CD180: variants seen among roughly 807,000 people sequenced by gnomAD.
The protein encoded by CD180 is CD180 molecule.
In CD180, 11 loss-of-function variants were observed where a neutral mutation model predicts 10.7. The observed-to-expected ratio is 1.03, with a 90% CI of 0.65 to 1.70. The LOEUF is 1.70. Ranked by LOEUF, CD180 falls within the 40% of genes most tolerant of loss-of-function variation. The pLI is 0.00. For synonymous variants in CD180, 286 were observed against 294.6 expected (o/e 0.97, Z 0.30); for missense variants, 729 against 775.2 (o/e 0.94, Z 0.71).
Position 67,183,730 on chromosome 5 carries a change from G to T in CD180, c.1113C>A (p.Asn371Lys). Residue 371 changes from asparagine (N) to lysine (K), a missense_variant, in exon 3 of 3, where the codon AAC (asparagine) becomes AAA (lysine). Transcript: ENST00000256447. Reference protein sequence around the residue: ...LGVGCLEKLGNLQTLDLSHND... With the variant: ...LGVGCLEKLGKLQTLDLSHND... ...TATGGCTTAAATCAAGTGTCTGAAGGTTTCCTAGTTTCTCCAAGCAGCCAA... is the reference window on the plus strand; with the variant it reads ...TATGGCTTAAATCAAGTGTCTGAAGTTTTCCTAGTTTCTCCAAGCAGCCAA... 8 of 1,614,094 alleles carry T rather than the reference G, an allele frequency of 5.0e-6. No individual in the cohort carries two copies. Among genetic ancestry groups the T allele is most frequent in the Non-Finnish European group, 6.8e-6 (8 of 1,180,030 alleles).
At position 67,179,634 on chromosome 5, in the gene CD180, C is replaced by T. The variant is rs1453688413; in HGVS notation, c.*3223G>A. 6.6e-6 allele frequency: 1 copy of T among 152,234 alleles called. No individual in the cohort carries two copies. Among genetic ancestry groups the T allele is most frequent in the Non-Finnish European group, 1.5e-5 (1 of 68,046 alleles). The allele number at this position is 152,234 out of a possible 1,614,324, so 9.4% of individuals were successfully genotyped here. ...GCCATTTGTTTCATACTTTTATAAA[C>T]ATCAAAATTGCAAACTACACTGATT... On this transcript the variant is annotated 3_prime_UTR_variant, in exon 3 of 3. Coordinates refer to ENST00000256447, the MANE Select transcript of CD180 (RefSeq NM_005582.3).
Position 67,185,860 on chromosome 5 carries a change from T to A in CD180, c.248A>T (p.Asp83Val). ...FSRLMNLTFLDLTRCQINWIH... is the reference protein window; with the variant it reads ...FSRLMNLTFLVLTRCQINWIH... ...TAACTCAGATACATACCTAGTTAAA[T>A]CCAAAAAGGTAAGATTCATGAGTCT... Residue 83 changes from aspartate to valine, a missense_variant, in exon 2 of 3, where the codon GAT becomes GTT. Coordinates refer to ENST00000256447, the MANE Select transcript of CD180 (RefSeq NM_005582.3). 5 of 1,596,724 alleles carry A rather than the reference T, an allele frequency of 3.1e-6. No individual in the cohort carries two copies. The highest frequency in any genetic ancestry group is 3.4e-6 in the Non-Finnish European group (4 of 1,172,832).
At position 67,184,014 on chromosome 5, in the gene CD180, C is replaced by T. The variant is rs764635197; in HGVS notation, c.829G>A (p.Glu277Lys). 68 of 1,613,936 alleles carry T rather than the reference C, an allele frequency of 4.2e-5. No individual in the cohort carries two copies. The highest frequency in any genetic ancestry group is 5.3e-5 in the Non-Finnish European group (62 of 1,179,962). Residue 277 changes from glutamate (E) to lysine (K), a missense_variant, in exon 3 of 3, where the codon GAG becomes AAG. By Grantham distance (56) the Glu-to-Lys change is moderately conservative (BLOSUM62 1). Coordinates refer to ENST00000256447, the MANE Select transcript of CD180 (RefSeq NM_005582.3). ...MLKGLCEMSV[E>K]SLNLQEHRFS... ...CGGTGTTCCTGCAGGTTGAGGCTCT[C>T]AACAGACATTTCACAGAGTCCCTTG...
rs369776137 is a variant in CD180, at chr5:67,182,920, C to T, written c.1923G>A (p.Leu641=). The change falls in exon 3 of 3, where the codon TTG becomes TTA. Residue 641 remains leucine (L), a synonymous_variant. Transcript: ENST00000256447. ...CTGCAAAAAATAGCAGAATAGCCAA[C>T]AATAATAGAAATACTATGAGAAAGA... ...GIFFLIVFLL[L]LAILLFFAVK... The T allele has an allele frequency of 5.6e-6, 9 of 1,613,432 alleles. No individual in the cohort carries two copies. The highest frequency in any genetic ancestry group is 7.6e-6 in the Non-Finnish European group (9 of 1,179,814).
intron 1 of CD180, among the ~76,000 whole-genome samples, chr5:67,192,046 C>G (rs1742316529): frequency 6.6e-6 from 1 of 152,002 alleles, no homozygotes; most frequent in Non-Finnish European, 1.5e-5. Context: ...TTAAACAGGA[C>G]AGAATTGTAC....
rs143092883 is a variant in CD180, at chr5:67,186,119, T to C, written c.91-102A>G. ...ACCTTCCGAGCGGCAATCGTACTTC[T>C]AGTAATCTTTACCAAATATACACTT... is the stretch of plus-strand genomic sequence containing the variant. On this transcript the variant is annotated intron_variant, in intron 1 of 2. Coordinates refer to ENST00000256447, the MANE Select transcript of CD180 (RefSeq NM_005582.3). 4.2e-4 allele frequency: 294 copies of C among 693,224 alleles called. 1 individual carries two copies. In the East Asian group the frequency reaches 7.7e-3, roughly 18 times the overall value. 42.9% of individuals were successfully genotyped at this position (693,224 alleles called of 1,614,324 possible). A position where few individuals can be genotyped will look rare whatever the true frequency, so the allele number is the denominator to read the frequency against.
intron 1 of CD180, among the ~76,000 whole-genome samples, chr5:67,187,092 T>C (rs1281635375): frequency 6.6e-6 from 1 of 152,252 alleles, no homozygotes; most frequent in Non-Finnish European, 1.5e-5. Context: ...TTCTGGATTT[T>C]GTAAATGACA....
At chr5:67,194,206 A>G (rs1742358078) in intron 1 of CD180, among the ~76,000 whole-genome samples, 1 of 152,220 alleles carries the variant, frequency 6.6e-6, no homozygotes, top group African/African-American at 2.4e-5. Context: ...TTAAAACAAA[A>G]GCACCTTTTT....
At chr5:67,186,589 T>C (rs1042544345) in intron 1 of CD180, among the ~76,000 whole-genome samples, 1 of 152,206 alleles carries the variant, frequency 6.6e-6, no homozygotes, top group Non-Finnish European at 1.5e-5. Flanking sequence ...AGTTTTGATT[T>C]TGGTTGAATG....
intron 1 of CD180, 30 bp downstream of exon 1, chr5:67,196,522 T>C: frequency 6.2e-7 from 1 of 1,612,610 alleles, no homozygotes; most frequent in Non-Finnish European, 8.5e-7. Context: ...GACAGTTTAA[T>C]CTGCATAAAG....
At position 67,180,213 on chromosome 5, in the gene CD180, C is replaced by T. The variant is rs1049489717; in HGVS notation, c.*2644G>A. 6.6e-6 allele frequency: 1 copy of T among 152,230 alleles called. No homozygotes were observed. The highest frequency in any genetic ancestry group is 2.4e-5 in the African/African-American group (1 of 41,452). The allele number at this position is 152,230 out of a possible 1,614,324, so 9.4% of individuals were successfully genotyped here. A position where few individuals can be genotyped will look rare whatever the true frequency, so the allele number is the denominator to read the frequency against. On this transcript the variant is annotated 3_prime_UTR_variant, in exon 3 of 3. Transcript: ENST00000256447. ...GATGGGCAATTATGCTTTGCTAAGG[C>T]CTGGGCCCCTTTCATTGTTAGTGTG...
In CD180 at chr5:67,184,126, G is replaced by C; in HGVS notation, c.717C>G (p.Phe239Leu). The change falls in exon 3 of 3, where the codon TTC becomes TTG. Residue 239 changes from phenylalanine (F) to leucine (L), a missense_variant. Coordinates refer to ENST00000256447, the MANE Select transcript of CD180 (RefSeq NM_005582.3). ...GAGTAGTAGAGTTCTGCAGACCATTGAATATAACAGACAAATTTGGAGTTC... is the reference window on the plus strand; with the variant it reads ...GAGTAGTAGAGTTCTGCAGACCATTCAATATAACAGACAAATTTGGAGTTC... The part of the protein sequence containing the change: ...FGGTPNLSVI[F>L]NGLQNSTTQS... 6.2e-7 allele frequency: 1 copy of C among 1,614,148 alleles called. No homozygotes were observed. Among genetic ancestry groups the C allele is most frequent in the South Asian group, 1.1e-5 (1 of 91,082 alleles).
At chr5:67,191,531 A>G (rs1468750451) in intron 1 of CD180, among the ~76,000 whole-genome samples, 1 of 152,214 alleles carries the variant, frequency 6.6e-6, no homozygotes, top group Non-Finnish European at 1.5e-5. Context: ...TTTTGAGGGA[A>G]AAGGATGGCC....
Position 67,184,211 on chromosome 5 carries a change from A to G in CD180, c.632T>C (p.Val211Ala), listed in dbSNP as rs772644196. The G allele has an allele frequency of 6.2e-6, 10 of 1,614,006 alleles. No individual in the cohort carries two copies. The highest frequency in any genetic ancestry group is 1.3e-5 in the African/African-American group (1 of 74,914). ...NLSLNFNGNN[V>A]KGIELGAFDS... ...AAAAGCCCCAAGCTCAATACCTTTA[A>G]CATTATTGCCATTGAAGTTCAGGCT... The change falls in exon 3 of 3, where the codon GTT becomes GCT. Residue 211 changes from valine to alanine, a missense_variant. Transcript: ENST00000256447.
At chr5:67,190,753 T>C (rs1361791701) in intron 1 of CD180, among the ~76,000 whole-genome samples, 1 of 152,258 alleles carries the variant, frequency 6.6e-6, no homozygotes, top group Non-Finnish European at 1.5e-5. Flanking sequence ...CAGAGCTACA[T>C]CTGTATTTGC....
chr5:67,194,662 A>G (rs949342260), intron 1 of CD180, among the ~76,000 whole-genome samples: 1 of 152,190 alleles, frequency 6.6e-6, no homozygotes, highest in Non-Finnish European at 1.5e-5. Flanking sequence ...CTTTACTGCA[A>G]TGCCGTAGTC....
intron 2 of CD180, 88 bp downstream of exon 2, chr5:67,185,763 C>T: frequency 1.0e-6 from 1 of 995,734 alleles, no homozygotes; most frequent in Non-Finnish European, 1.4e-6. Flanking sequence ...CCCTGGGCCC[C>T]CCAAAAAGGT....
chr5:67,184,928 T>C (rs1227442377), intron 2 of CD180, among the ~76,000 whole-genome samples: 1 of 152,072 alleles, frequency 6.6e-6, no homozygotes, highest in Non-Finnish European at 1.5e-5. Context: ...GCATAATAGA[T>C]AATATATGGT....
chr5:67,196,725 C>T lies in CD180; in HGVS notation c.-84G>A. Reference sequence around the variant, plus strand: ...AACTGTGAAGGCCCTGGCAATTTGGCAGCCAGAGAGGTACTCAGAAGGGTG... The same window carrying T: ...AACTGTGAAGGCCCTGGCAATTTGGTAGCCAGAGAGGTACTCAGAAGGGTG... On this transcript the variant is annotated 5_prime_UTR_variant, in exon 1 of 3. Coordinates refer to ENST00000256447, the MANE Select transcript of CD180 (RefSeq NM_005582.3). The T allele has an allele frequency of 1.9e-6, 3 of 1,570,434 alleles. No homozygotes were observed. The highest frequency in any genetic ancestry group is 2.6e-6 in the Non-Finnish European group (3 of 1,155,106).
Sources: gnomAD v4.1 joint callset for allele counts (sites outside exome capture counted in the v4.1 genomes callset) on GRCh38, gnomAD v4.1.1 for gene constraint, MANE v1.5 for transcripts, NCBI Gene and HGNC (gene_info 2026-07-23, HGNC 2026-07-21) for gene names.